The following ANK3 variants were observed in gnomAD, a reference collection of about 807,000 sequenced individuals.
ANK3 encodes ankyrin 3, also known as ankyrin-3.
Under a neutral mutation model 370.9 loss-of-function variants are expected in ANK3, and 57 were observed. That is an observed-to-expected ratio of 0.15 (90% CI 0.12 to 0.19). ANK3 has a LOEUF of 0.19. ANK3 is among the 10% of genes least tolerant of loss of function. The pLI, the probability that ANK3 is intolerant of heterozygous loss-of-function variation, is 1.00. For missense variants in ANK3, 4,439 were observed against 5,302.1 expected (o/e 0.84, Z 5.06); for synonymous variants, 1,929 against 1,946.3 (o/e 0.99, Z 0.23).
At chr10:60,141,632 G>C in intron 23 of ANK3, among the ~76,000 whole-genome samples, 1 of 117,406 alleles carries the variant, frequency 8.5e-6, no homozygotes, top group East Asian at 2.6e-4. Flanking sequence ...TGGAGAATTG[G>C]GCTCAAAAGT....
chr10:60,354,682 C>T (rs2132710831), intron 1 of ANK3, among the ~76,000 whole-genome samples: 1 of 152,248 alleles, frequency 6.6e-6, no homozygotes, highest in East Asian at 1.9e-4. Flanking sequence ...CCAGTTCTTC[C>T]TGGCTCTTGC....
chr10:60,445,236 A>T (rs2064412309), intron 2 of ANK3, among the ~76,000 whole-genome samples: 1 of 152,132 alleles, frequency 6.6e-6, no homozygotes, highest in African/African-American at 2.4e-5. Flanking sequence ...AAAGATATAC[A>T]AAAAATAGCC....
intron 2 of ANK3, chr10:60,572,784 T>A (rs757295664): frequency 3.7e-5 from 47 of 1,253,482 alleles, no homozygotes; most frequent in Non-Finnish European, 4.7e-5. Context: ...CTAAAGAAAA[T>A]CAATATTTTA....
chr10:60,059,464 G>T, intron 40 of ANK3, 34 bp from the exon 41 acceptor site: 1 of 1,567,624 alleles, frequency 6.4e-7, no homozygotes, highest in Non-Finnish European at 8.8e-7. Flanking sequence ...TCTGCTTGCT[G>T]AACACGCTTA....
intron 14 of ANK3, among the ~76,000 whole-genome samples, chr10:60,197,474 G>T (rs1176436065): frequency 6.6e-6 from 1 of 152,076 alleles, no homozygotes; most frequent in Non-Finnish European, 1.5e-5. Context: ...CAGCTGGTAT[G>T]GTGAAATGCC....
At chr10:60,107,770 C>T (rs923864873) in intron 27 of ANK3, among the ~76,000 whole-genome samples, 13 of 152,138 alleles carry the variant, frequency 8.5e-5, no homozygotes, top group South Asian at 4.1e-4. Context: ...CATGCGCACG[C>T]GCACACACAC....
intron 8 of ANK3, among the ~76,000 whole-genome samples, chr10:60,216,112 T>C (rs543232591): frequency 8.5e-5 from 13 of 152,220 alleles, no homozygotes; most frequent in African/African-American, 3.1e-4. Context: ...TTGTAGTGAT[T>C]GTGAATGGGA....
chr10:60,623,170 G>T (rs1000280450), intron 1 of ANK3, among the ~76,000 whole-genome samples: 6 of 152,086 alleles, frequency 3.9e-5, no homozygotes, highest in African/African-American at 1.4e-4. Flanking sequence ...CATGATCTTG[G>T]CTTTTACAGG....
rs113765677 is a variant in ANK3 at position 60,210,381 on chromosome 10, A to G, written c.997-2148T>C. 6.8e-3 allele frequency among the ~76,000 whole-genome samples: 1,038 copies of G among 152,266 alleles called. 17 individuals are homozygous for G. Among genetic ancestry groups the G allele is most frequent in the Non-Finnish European group, 0.01 (686 of 68,022 alleles). Reference sequence around the variant, plus strand: ...GAGGAAGACATTTGAGTTGAAGAATATACGGGGACCACAGAGATCTGGAAC... The same window carrying G: ...GAGGAAGACATTTGAGTTGAAGAATGTACGGGGACCACAGAGATCTGGAAC... On this transcript the variant is annotated intron_variant, in intron 9 of 43. Coordinates refer to ENST00000280772, the MANE Select transcript of ANK3 (RefSeq NM_020987.5).
intron 2 of ANK3, among the ~76,000 whole-genome samples, chr10:60,484,981 C>T (rs754663906): frequency 6.6e-6 from 1 of 151,754 alleles, no homozygotes; most frequent in Admixed American, 6.6e-5. Flanking sequence ...TAATTAAATC[C>T]GATATTTCCT....
intron 2 of ANK3, among the ~76,000 whole-genome samples, chr10:60,494,688 A>G (rs1044961047): frequency 1.3e-5 from 2 of 152,172 alleles, no homozygotes; most frequent in Admixed American, 1.3e-4. Flanking sequence ...ATTAGTTACT[A>G]TAACAGATCC....
intron 7 of ANK3, among the ~76,000 whole-genome samples, chr10:60,250,073 A>T (rs531771746): frequency 4.7e-4 from 72 of 152,364 alleles, no homozygotes; most frequent in African/African-American, 1.5e-3. Flanking sequence ...GGCTATATTA[A>T]GGGGTTATCA....
At position 60,039,321 on chromosome 10, in the gene ANK3, T is replaced by C. The variant is rs150658240; in HGVS notation, c.*19+3351A>G. On this transcript the variant is annotated intron_variant, in intron 43 of 43. Transcript: ENST00000280772. Reference sequence around the variant, plus strand: ...GAGGAGGTTTAGAATACAGTATGTGTCATGCAAGTCTTTGCCATGGCTTAA... The same window carrying C: ...GAGGAGGTTTAGAATACAGTATGTGCCATGCAAGTCTTTGCCATGGCTTAA... Among the ~76,000 whole-genome samples the C allele has an allele frequency of 1.4e-4, 21 of 152,344 alleles. No homozygotes were observed. In the East Asian group the frequency reaches 4.1e-3, roughly 29 times the overall value.
chr10:60,494,950 G>A (rs939277724), intron 2 of ANK3, among the ~76,000 whole-genome samples: 1 of 152,122 alleles, frequency 6.6e-6, no homozygotes, highest in Non-Finnish European at 1.5e-5. Context: ...GATTTACAAG[G>A]CTAGACAACT....
intron 1 of ANK3, among the ~76,000 whole-genome samples, chr10:60,350,161 A>C (rs959403311): frequency 6.6e-6 from 1 of 152,194 alleles, no homozygotes; most frequent in Non-Finnish European, 1.5e-5. Flanking sequence ...GAGATAAGAC[A>C]ATGTATTCAA....
At chr10:60,200,591 C>T (rs2096657917) in intron 12 of ANK3, among the ~76,000 whole-genome samples, 1 of 152,082 alleles carries the variant, frequency 6.6e-6, no homozygotes, top group South Asian at 2.1e-4. Context: ...TGCGCTGAAG[C>T]AGGCAGCCAA....
chr10:60,535,269 T>C (rs935635071), intron 2 of ANK3, among the ~76,000 whole-genome samples: 3 of 152,096 alleles, frequency 2.0e-5, no homozygotes, highest in East Asian at 3.9e-4. Context: ...GAAACCAATA[T>C]ACTATATGAG....
At chr10:60,068,124 A>C in intron 37 of ANK3, 115 bp from the exon 38 acceptor site, 1 of 858,844 alleles carries the variant, frequency 1.2e-6, no homozygotes, top group Non-Finnish European at 1.8e-6. Flanking sequence ...CTGTACACTG[A>C]AATGTGTCCT....
intron 2 of ANK3, among the ~76,000 whole-genome samples, chr10:60,505,865 G>C (rs965402694): frequency 2.0e-5 from 3 of 151,916 alleles, no homozygotes; most frequent in Non-Finnish European, 4.4e-5. Context: ...AATATATTGC[G>C]ATCTCAAGCA....
Sources: allele counts gnomAD v4.1 joint callset (sites outside exome capture counted in the v4.1 genomes callset), GRCh38; gene constraint gnomAD v4.1.1; transcripts MANE v1.5; gene names NCBI Gene and HGNC (gene_info 2026-07-23, HGNC 2026-07-21).